ARHGAP12: variants seen among roughly 807,000 people sequenced by gnomAD.
ARHGAP12 encodes the protein rho GTPase-activating protein 12.
In ARHGAP12, 64 loss-of-function variants were observed where a neutral mutation model predicts 108.6. That is an observed-to-expected ratio of 0.59 (90% CI 0.48 to 0.73). The LOEUF (loss-of-function observed/expected upper bound fraction) is 0.73, where lower values mean the gene tolerates loss of function less well. ARHGAP12 is among the 30% of genes least tolerant of loss of function. The pLI, the probability that ARHGAP12 is intolerant of heterozygous loss-of-function variation, is 0.00. For synonymous variants in ARHGAP12, 312 were observed against 337.2 expected, an observed-to-expected ratio of 0.93 and a Z score of 0.82; for missense variants, 940 against 1,005.9, an observed-to-expected ratio of 0.93 and a Z score of 0.89.
intron 3 of ARHGAP12, among the ~76,000 whole-genome samples, chr10:31,902,975 T>C (rs1320366966): frequency 6.6e-6 from 1 of 152,162 alleles, no homozygotes; most frequent in Non-Finnish European, 1.5e-5. Context: ...CAGACTGACC[T>C]ACCTCAAGCA....
intron 1 of ARHGAP12, among the ~76,000 whole-genome samples, chr10:31,924,485 T>C (rs187078628): frequency 7.9e-4 from 121 of 152,242 alleles, no homozygotes; most frequent in Admixed American, 4.1e-3. Context: ...ATACAAATCA[T>C]ATAGTATGTA....
intron 6 of ARHGAP12, 22 bp from the exon 7 acceptor site, chr10:31,843,608 A>C: frequency 6.4e-7 from 1 of 1,568,158 alleles, no homozygotes; most frequent in Non-Finnish European, 8.6e-7. Flanking sequence ...CAAAGCAAAA[A>C]ACACAAAAAA....
rs1486541970 is a variant in ARHGAP12 at position 31,820,802 on chromosome 10, T to TA, written c.1531-315_1531-314insT. On this transcript the variant is annotated intron_variant, in intron 11 of 19. Coordinates refer to ENST00000344936, the MANE Select transcript of ARHGAP12 (RefSeq NM_018287.7). ...AAAAATTTTTTCAAAACTATGTTGGTGAGGCTATAGACTAAAAAGGCCTCA... is the reference window on the plus strand; with the variant it reads ...AAAAATTTTTTCAAAACTATGTTGGTAGAGGCTATAGACTAAAAAGGCCTCA... Among the ~76,000 whole-genome samples, 28 of 151,174 alleles carry TA rather than the reference T, an allele frequency of 1.9e-4. 1 individual carries two copies. The East Asian group carries it at 4.8e-3, about 26-fold the overall frequency.
rs928799359 is a variant in ARHGAP12 at position 31,807,457 on chromosome 10, C to G, written c.*201G>C. The G allele has an allele frequency of 7.8e-5, 34 of 434,898 alleles. No homozygotes were observed. Among genetic ancestry groups the G allele is most frequent in the Admixed American group, 3.0e-4 (7 of 23,146 alleles). The allele number at this position is 434,898 out of a possible 1,614,324, so 26.9% of individuals were successfully genotyped here. ...GATAAAATGAATTCATAATTACACGCAGTTATATCAACTTGCAACAAAGCA... is the reference window on the plus strand; with the variant it reads ...GATAAAATGAATTCATAATTACACGGAGTTATATCAACTTGCAACAAAGCA... On this transcript the variant is annotated 3_prime_UTR_variant, in exon 20 of 20. Transcript: ENST00000344936.
chr10:31,918,469 G>A (rs1253655299), intron 1 of ARHGAP12, among the ~76,000 whole-genome samples: 2 of 152,050 alleles, frequency 1.3e-5, no homozygotes, highest in South Asian at 2.1e-4. Flanking sequence ...TTGGGAGGCC[G>A]AGGCAGGAGG....
chr10:31,901,744 C>T (rs1180580692), intron 3 of ARHGAP12, among the ~76,000 whole-genome samples: 1 of 151,884 alleles, frequency 6.6e-6, no homozygotes, highest in Non-Finnish European at 1.5e-5. Context: ...TATGTGCATA[C>T]CAGAGGCTCT....
At position 31,867,968 on chromosome 10, in the gene ARHGAP12, C is replaced by T. The variant is rs532767547; in HGVS notation, c.685-6310G>A. On this transcript the variant is annotated intron_variant, in intron 3 of 19. Coordinates refer to ENST00000344936, the MANE Select transcript of ARHGAP12 (RefSeq NM_018287.7). ...TAATCCCAGCACTTTAGTAGGAGGCCGAGGGCAGATCATCTGAGGTCAGGA... is the reference window on the plus strand; with the variant it reads ...TAATCCCAGCACTTTAGTAGGAGGCTGAGGGCAGATCATCTGAGGTCAGGA... 6.6e-5 allele frequency among the ~76,000 whole-genome samples: 10 copies of T among 151,908 alleles called. 1 individual carries two copies. The South Asian group carries it at 1.9e-3, about 28-fold the overall frequency.
Position 31,807,593 on chromosome 10 carries a change from T to C in ARHGAP12, c.*65A>G. The stretch of plus-strand genomic sequence containing the variant: ...GCTTGGTCCAAAAAATAAAATACAT[T>C]GTGTATAAACATTTGAAATCTGATG... On this transcript the variant is annotated 3_prime_UTR_variant, in exon 20 of 20. Transcript: ENST00000344936. 1 of 1,481,264 alleles carries C rather than the reference T, an allele frequency of 6.8e-7. No individual in the cohort carries two copies. Among genetic ancestry groups the C allele is most frequent in the Non-Finnish European group, 9.1e-7 (1 of 1,102,568 alleles). 91.8% of individuals were successfully genotyped at this position (1,481,264 alleles called of 1,614,324 possible).
At chr10:31,871,399 AG>A (rs1327920746) in intron 3 of ARHGAP12, among the ~76,000 whole-genome samples, 1 of 152,070 alleles carries the variant, frequency 6.6e-6, no homozygotes, top group Non-Finnish European at 1.5e-5. Flanking sequence ...CTATTACTAC[AG>A]GGTTGGTTAC....
chr10:31,864,293 C>G (rs951283172), intron 3 of ARHGAP12, among the ~76,000 whole-genome samples: 1 of 151,878 alleles, frequency 6.6e-6, no homozygotes, highest in African/African-American at 2.4e-5. Context: ...GAAAATATAA[C>G]AACCAAAAAA....
chr10:31,811,985 G>A (rs1490197410), intron 15 of ARHGAP12, among the ~76,000 whole-genome samples: 2 of 152,220 alleles, frequency 1.3e-5, no homozygotes, highest in Non-Finnish European at 1.5e-5. Flanking sequence ...ACTGGCTTGC[G>A]TGTTTTAATG....
At position 31,820,379 on chromosome 10, in the gene ARHGAP12, T is replaced by C. The variant is rs774905824; in HGVS notation, c.1632+8A>G. The C allele has an allele frequency of 3.8e-6, 6 of 1,592,764 alleles. No individual in the cohort carries two copies. The highest frequency in any genetic ancestry group is 1.8e-5 in the Admixed American group (1 of 56,420). On this transcript the variant is annotated splice_region_variant and intron_variant, in intron 12 of 19. Transcript: ENST00000344936. ...AGAATGTGTTATACTTAGAAAAAAA[T>C]GTATTACCTCAAATACATTCTTTTT... is the stretch of plus-strand genomic sequence containing the variant.
chr10:31,904,590 A>T (rs1219299749), intron 3 of ARHGAP12, among the ~76,000 whole-genome samples: 1 of 152,174 alleles, frequency 6.6e-6, no homozygotes, highest in Admixed American at 6.5e-5. Context: ...TGCTACCACT[A>T]AAGGTAACTG....
chr10:31,846,299 T>C (rs2132264949), intron 6 of ARHGAP12, among the ~76,000 whole-genome samples: 1 of 152,332 alleles, frequency 6.6e-6, no homozygotes, highest in Non-Finnish European at 1.5e-5. Context: ...TCCTCAGATA[T>C]TCACCCTTTC....
chr10:31,875,790 C>G (rs1196774175), intron 3 of ARHGAP12, among the ~76,000 whole-genome samples: 1 of 152,202 alleles, frequency 6.6e-6, no homozygotes, highest in East Asian at 1.9e-4. Context: ...ATCTCCAGAA[C>G]TTCTTTCATC....
intron 3 of ARHGAP12, among the ~76,000 whole-genome samples, chr10:31,888,558 C>T (rs561228690): frequency 6.6e-6 from 1 of 152,112 alleles, no homozygotes; most frequent in Non-Finnish European, 1.5e-5. Context: ...TAAAAAGAAT[C>T]CTGACAGTGA....
rs1186576167 is a variant in ARHGAP12, at chr10:31,908,273, G to T, written c.583C>A (p.Gln195Lys). ...CCTGCGGAATCACAAGATTGTTCCTGGGAGAAGCTAGTTTTCTCTACATCC... is the reference window on the plus strand; with the variant it reads ...CCTGCGGAATCACAAGATTGTTCCTTGGAGAAGCTAGTTTTCTCTACATCC... ...FLDVEKTSFSQEQSCDSAGEG... is the reference protein window; with the variant it reads ...FLDVEKTSFSKEQSCDSAGEG... Residue 195 changes from glutamine (Q) to lysine (K), a missense_variant, in exon 3 of 20, where the codon CAG (glutamine) becomes AAG (lysine). By Grantham distance (53) the Gln-to-Lys change is moderately conservative. Transcript: ENST00000344936. The T allele has an allele frequency of 6.2e-7, 1 of 1,613,904 alleles. No individual in the cohort carries two copies.
chr10:31,893,781 G>C (rs1444550245), intron 3 of ARHGAP12, among the ~76,000 whole-genome samples: 1 of 152,126 alleles, frequency 6.6e-6, no homozygotes, highest in South Asian at 2.1e-4. Flanking sequence ...AAGCCTGGCA[G>C]AGACACAACA....
At chr10:31,895,717 G>C (rs891461073) in intron 3 of ARHGAP12, among the ~76,000 whole-genome samples, 12 of 152,158 alleles carry the variant, frequency 7.9e-5, no homozygotes, top group Non-Finnish European at 1.6e-4. Context: ...AATACCATTT[G>C]ACCCAGCCAA....
Sources: allele counts gnomAD v4.1 joint callset (sites outside exome capture counted in the v4.1 genomes callset), GRCh38; gene constraint gnomAD v4.1.1; transcripts MANE v1.5; gene names NCBI Gene and HGNC (gene_info 2026-07-23, HGNC 2026-07-21).